The following MAP1LC3C variants were observed in gnomAD, a reference collection of about 807,000 sequenced individuals.
MAP1LC3C encodes the protein microtubule associated protein 1 light chain 3 gamma.
Under a neutral mutation model 10.4 loss-of-function variants are expected in MAP1LC3C, and 12 were observed. The ratio of observed to expected loss-of-function variants is 1.15; its 90% confidence interval spans 0.74 to 1.86. MAP1LC3C has a LOEUF of 1.86. Ranked by LOEUF, MAP1LC3C falls within the 40% of genes most tolerant of loss-of-function variation. MAP1LC3C has a pLI of 0.00. For synonymous variants in MAP1LC3C, 70 were observed against 69.0 expected (o/e 1.01, Z -0.07); for missense variants, 177 against 185.7 (o/e 0.95, Z 0.27).
At chr1:241,996,466 T>A (rs973111103) in intron 3 of MAP1LC3C, 81 bp from the exon 4 acceptor site, 11 of 1,149,326 alleles carry the variant, frequency 9.6e-6, no homozygotes, top group Non-Finnish European at 1.3e-5. Context: ...TCAAGAAGAC[T>A]GAATTGCTCC....
upstream of MAP1LC3C, among the ~76,000 whole-genome samples, chr1:241,999,699 C>T (rs975011561): frequency 1.3e-4 from 20 of 152,170 alleles, no homozygotes; most frequent in Non-Finnish European, 2.9e-5. Flanking sequence ...ATCCCACCTA[C>T]TCAGGAGGCT....
chr1:241,997,464 G>A (rs1242978368), intron 3 of MAP1LC3C, among the ~76,000 whole-genome samples: 1 of 152,042 alleles, frequency 6.6e-6, no homozygotes, highest in South Asian at 2.1e-4. Flanking sequence ...AGGCTGCAGT[G>A]AACTAGGTTC....
At chr1:241,997,046 G>A (rs547828742) in intron 3 of MAP1LC3C, among the ~76,000 whole-genome samples, 4 of 150,136 alleles carry the variant, frequency 2.7e-5, no homozygotes, top group Non-Finnish European at 4.4e-5. Context: ...TGACAGGCAC[G>A]CAACACCACA....
At position 241,999,050 on chromosome 1, in the gene MAP1LC3C, C is replaced by T; in HGVS notation, c.-42G>A. On this transcript the variant is annotated 5_prime_UTR_variant, in exon 1 of 4. Coordinates refer to ENST00000357246, the MANE Select transcript of MAP1LC3C (RefSeq NM_001004343.3). ...GTCTGTTTTAAAAAAGAAAAAAAAA[C>T]TGTCCCGCAACCGGGAACCTAACTC... 1.9e-6 allele frequency: 3 copies of T among 1,566,180 alleles called. No homozygotes were observed. Among genetic ancestry groups the T allele is most frequent in the Non-Finnish European group, 2.6e-6 (3 of 1,166,342 alleles).
In MAP1LC3C at chr1:241,996,129, C is replaced by T. The variant is rs548700699; in HGVS notation, c.*34G>A. Reference sequence around the variant, plus strand: ...CAATCCCTTCTGCCAGCATCTGACACGTCTGTCAGAGCACACATCCTTCCC... The same window carrying T: ...CAATCCCTTCTGCCAGCATCTGACATGTCTGTCAGAGCACACATCCTTCCC... On this transcript the variant is annotated 3_prime_UTR_variant, in exon 4 of 4. Coordinates refer to ENST00000357246, the MANE Select transcript of MAP1LC3C (RefSeq NM_001004343.3). 6.8e-5 allele frequency: 106 copies of T among 1,566,460 alleles called. No individual in the cohort carries two copies. The highest frequency in any genetic ancestry group is 1.9e-4 in the African/African-American group (14 of 74,160).
chr1:241,997,532 T>G (rs1166280629), intron 3 of MAP1LC3C, among the ~76,000 whole-genome samples: 1 of 151,958 alleles, frequency 6.6e-6, no homozygotes, highest in African/African-American at 2.4e-5. Flanking sequence ...AAAAAGACAC[T>G]CATTCATCGT....
At chr1:241,999,223 G>A (rs3795639), upstream of MAP1LC3C, 477,664 of 847,506 alleles carry the variant, frequency 0.56, 137,138 homozygotes, top group South Asian at 0.69. Flanking sequence ...AAATGGAATC[G>A]CCACCTGCTT....
At chr1:241,999,388 G>T (rs1263904812), upstream of MAP1LC3C, among the ~76,000 whole-genome samples, 1 of 152,210 alleles carries the variant, frequency 6.6e-6, no homozygotes, top group East Asian at 1.9e-4. Flanking sequence ...GTAGCAAGGG[G>T]GGGTCCAAGC....
upstream of MAP1LC3C, among the ~76,000 whole-genome samples, chr1:241,999,938 A>T (rs975274821): frequency 2.0e-5 from 3 of 152,214 alleles, no homozygotes; most frequent in Admixed American, 1.3e-4. Flanking sequence ...ATTGTCCCCA[A>T]GATCTTGCTT....
At chr1:241,997,777 G>A (rs966583736) in intron 3 of MAP1LC3C, among the ~76,000 whole-genome samples, 1 of 152,090 alleles carries the variant, frequency 6.6e-6, no homozygotes, top group African/African-American at 2.4e-5. Context: ...AGTGTTCTGA[G>A]CAGGGAACGT....
chr1:241,999,916 G>A (rs1665163223), upstream of MAP1LC3C, among the ~76,000 whole-genome samples: 2 of 152,178 alleles, frequency 1.3e-5, no homozygotes. Context: ...ATAAAAGAAG[G>A]AAGGAAGGAC....
chr1:242,001,321 T>C (rs1355056359), upstream of MAP1LC3C, among the ~76,000 whole-genome samples: 1 of 150,830 alleles, frequency 6.6e-6, no homozygotes, highest in Non-Finnish European at 1.5e-5. Flanking sequence ...CTTTGAAAAT[T>C]CCAAGGATTC....
At chr1:241,998,021 C>CTTTTTTTTTTTTTTTTTTTTTT (rs58237405) in intron 3 of MAP1LC3C, among the ~76,000 whole-genome samples, 1 of 95,414 alleles carries the variant, frequency 1.0e-5, no homozygotes, top group African/African-American at 4.2e-5. Flanking sequence ...TAGAGTAATT[C>CTTTTTTTTTTTTTTTTTTTTTT]TTTTTTTTTT....
chr1:241,998,504 C>A lies in MAP1LC3C; in HGVS notation c.221+10G>T, dbSNP rs1026244378. 6.8e-6 allele frequency: 11 copies of A among 1,612,494 alleles called. No homozygotes were observed. The highest frequency in any genetic ancestry group is 4.0e-5 in the African/African-American group (3 of 74,902). On this transcript the variant is annotated intron_variant, in intron 3 of 3. Coordinates refer to ENST00000357246, the MANE Select transcript of MAP1LC3C (RefSeq NM_001004343.3). ...GCACCTTCCTCCGGGGCACGCTCTG[C>A]GCCACCTACCGGATGATGCTGAGGA...
In MAP1LC3C at chr1:241,996,401, G is replaced by C. The variant is rs1374014742; in HGVS notation, c.222-16C>G. On this transcript the variant is annotated splice_polypyrimidine_tract_variant and intron_variant, in intron 3 of 3. Coordinates refer to ENST00000357246, the MANE Select transcript of MAP1LC3C (RefSeq NM_001004343.3). Reference sequence around the variant, plus strand: ...CATGCGGCTCCTGGGATGGGCAGGAGGGTGGTGAGGGTATGGCCTGCGAGA... The same window carrying C: ...CATGCGGCTCCTGGGATGGGCAGGACGGTGGTGAGGGTATGGCCTGCGAGA... 1 of 1,609,664 alleles carries C rather than the reference G, an allele frequency of 6.2e-7. No individual in the cohort carries two copies. The highest frequency in any genetic ancestry group is 1.1e-5 in the South Asian group (1 of 90,870).
chr1:241,998,925 C>G (rs768082481), intron 1 of MAP1LC3C, 26 bp downstream of exon 1: 8 of 1,611,350 alleles, frequency 5.0e-6, no homozygotes, highest in Non-Finnish European at 6.8e-6. Context: ...TTTAGATAAC[C>G]CAGAAAGCTA....
At chr1:241,998,431 AATAAAACTGCCAAACGAAGAAAG>A in intron 3 of MAP1LC3C, 60 bp downstream of exon 3, 1 of 1,248,430 alleles carries the variant, frequency 8.0e-7, no homozygotes, top group South Asian at 1.2e-5. Flanking sequence ...CCATCCCCAA[AATAAAACTGCCAAACGAAGAAAG>A]CCCAACAGCC....
At chr1:241,997,414 G>A (rs1004307984) in intron 3 of MAP1LC3C, among the ~76,000 whole-genome samples, 4 of 152,152 alleles carry the variant, frequency 2.6e-5, no homozygotes, top group African/African-American at 9.7e-5. Flanking sequence ...CAGCTACTCA[G>A]GAGGCTGAGA....
At position 241,995,630 on chromosome 1, in the gene MAP1LC3C, G is replaced by T. The variant is rs149545588; in HGVS notation, c.*533C>A. On this transcript the variant is annotated 3_prime_UTR_variant, in exon 4 of 4. Transcript: ENST00000357246. ...CCAACCATTTCTTATTTAGAATACG[G>T]TTATATGGCTGGATGCAGTGGCTCA... is the stretch of plus-strand genomic sequence containing the variant. 1,155 of 152,830 alleles carry T rather than the reference G, an allele frequency of 7.6e-3. 12 individuals are homozygous for T. Among genetic ancestry groups the T allele is most frequent in the South Asian group, 0.046 (225 of 4,848 alleles). 9.5% of individuals were successfully genotyped at this position (152,830 alleles called of 1,614,324 possible).
Sources: gnomAD v4.1 joint callset for allele counts (sites outside exome capture counted in the v4.1 genomes callset) on GRCh38, gnomAD v4.1.1 for gene constraint, MANE v1.5 for transcripts, NCBI Gene and HGNC (gene_info 2026-07-23, HGNC 2026-07-21) for gene names.